GABRG2: variants seen among roughly 807,000 people sequenced by gnomAD.
GABRG2 encodes gamma-aminobutyric acid receptor subunit gamma-2.
GABRG2 carries 16 observed loss-of-function variants against 56.4 expected under a neutral mutation model. The observed-to-expected ratio is 0.28, with a 90% confidence interval of 0.19 to 0.43. GABRG2 has a LOEUF of 0.43. Ranked by LOEUF, GABRG2 falls within the 20% of genes least tolerant of loss-of-function variation. GABRG2 has a pLI of 1.00. For synonymous variants in GABRG2, 208 were observed against 205.5 expected, an observed-to-expected ratio of 1.01 and a Z score of -0.10; for missense variants, 327 against 582.7, an observed-to-expected ratio of 0.56 and a Z score of 4.52.
chr5:162,073,443 G>A (rs562440454), intron 1 of GABRG2, among the ~76,000 whole-genome samples: 10 of 151,828 alleles, frequency 6.6e-5, no homozygotes, highest in African/African-American at 2.4e-4. Flanking sequence ...TTTTAAAGAG[G>A]AGATCTTGCT....
At chr5:162,149,713 A>C (rs1184389837) in intron 8 of GABRG2, 1 of 488,592 alleles carries the variant, frequency 2.0e-6, no homozygotes, top group Admixed American at 2.3e-5. Flanking sequence ...TCCTAGGTTC[A>C]AGCAATTCTC....
At chr5:162,121,774 G>A (rs1317668558) in intron 6 of GABRG2, among the ~76,000 whole-genome samples, 2 of 152,018 alleles carry the variant, frequency 1.3e-5, no homozygotes, top group Admixed American at 1.3e-4. Context: ...TCATGAAGTG[G>A]AAGCATTTGA....
At chr5:162,113,229 C>T (rs1254193012) in intron 6 of GABRG2, among the ~76,000 whole-genome samples, 2 of 152,126 alleles carry the variant, frequency 1.3e-5, no homozygotes, top group African/African-American at 4.8e-5. Flanking sequence ...CATGAGCCAC[C>T]ATGCCCAGCC....
At chr5:162,107,198 C>A (rs1314276799) in intron 6 of GABRG2, among the ~76,000 whole-genome samples, 1 of 152,096 alleles carries the variant, frequency 6.6e-6, no homozygotes, top group East Asian at 1.9e-4. Context: ...TTTTGTGTGG[C>A]TGCATAGTAT....
At chr5:162,136,823 T>C (rs368409460) in intron 6 of GABRG2, among the ~76,000 whole-genome samples, 3 of 152,196 alleles carry the variant, frequency 2.0e-5, no homozygotes, top group South Asian at 2.1e-4. Flanking sequence ...GAAAGTTTAA[T>C]TGTGGTGTGT....
At chr5:162,078,519 C>T (rs572419439) in intron 1 of GABRG2, among the ~76,000 whole-genome samples, 57 of 147,472 alleles carry the variant, frequency 3.9e-4, no homozygotes, top group African/African-American at 1.3e-3. Context: ...CATTCTCCCA[C>T]TTCAGCCTCC....
rs1027595784 is a variant in GABRG2, at chr5:162,155,232, G to A, written c.*1864G>A. Reference sequence around the variant, plus strand: ...AACCTCAAACAAATGTAAATAGAACGAATTATTTTCTTGTTTTGAATTGTC... The same window carrying A: ...AACCTCAAACAAATGTAAATAGAACAAATTATTTTCTTGTTTTGAATTGTC... On this transcript the variant is annotated 3_prime_UTR_variant, in exon 10 of 10. Coordinates refer to ENST00000639213, the MANE Select transcript of GABRG2 (RefSeq NM_198904.4). 3.3e-5 allele frequency: 5 copies of A among 152,270 alleles called. No individual in the cohort carries two copies. The highest frequency in any genetic ancestry group is 1.9e-4 in the East Asian group (1 of 5,166). 9.4% of individuals were successfully genotyped at this position (152,270 alleles called of 1,614,324 possible).
In GABRG2 at chr5:162,142,172, G is replaced by T. The variant is rs1472009201; in HGVS notation, c.778G>T (p.Val260Leu). The change falls in exon 7 of 10, where the codon GTG becomes TTG. Residue 260 changes from valine to leucine, a missense_variant. Around this residue, in one of 4 missense-constraint regions of GABRG2, gnomAD observed 42 missense variants for 156.9 expected, o/e 0.27. Transcript: ENST00000639213. ...TCTTTGGTCTGTTCCAGGAGATTATGTGGTCATGTCTGTCTACTTTGATCT... is the reference window on the plus strand; with the variant it reads ...TCTTTGGTCTGTTCCAGGAGATTATTTGGTCATGTCTGTCTACTTTGATCT... ...EVVKTTSGDY[V>L]VMSVYFDLSR... 1 of 1,614,040 alleles carries T rather than the reference G, an allele frequency of 6.2e-7. No individual in the cohort carries two copies. The highest frequency in any genetic ancestry group is 8.5e-7 in the Non-Finnish European group (1 of 1,179,950).
At chr5:162,069,596 C>A (rs1758505506) in intron 1 of GABRG2, among the ~76,000 whole-genome samples, 1 of 152,120 alleles carries the variant, frequency 6.6e-6, no homozygotes, top group Non-Finnish European at 1.5e-5. Flanking sequence ...AGTTTCTAAA[C>A]AGAGAGAGGG....
At chr5:162,124,277 A>G (rs1342305677) in intron 6 of GABRG2, among the ~76,000 whole-genome samples, 1 of 151,948 alleles carries the variant, frequency 6.6e-6, no homozygotes, top group Non-Finnish European at 1.5e-5. Flanking sequence ...GTTCTAAAAC[A>G]ATAGAAAAAT....
intron 1 of GABRG2, 95 bp downstream of exon 1, chr5:162,068,201 C>T: frequency 2.5e-6 from 2 of 811,804 alleles, no homozygotes; most frequent in Non-Finnish European, 4.3e-6. Flanking sequence ...ATTTAAAACA[C>T]TCTCCTAGGA....
At chr5:162,122,461 C>T (rs973107974) in intron 6 of GABRG2, among the ~76,000 whole-genome samples, 2 of 151,708 alleles carry the variant, frequency 1.3e-5, no homozygotes, top group African/African-American at 4.8e-5. Flanking sequence ...AATTTACTTC[C>T]ACTGAGTATA....
At chr5:162,097,387 G>C in intron 3 of GABRG2, among the ~76,000 whole-genome samples, 1 of 152,102 alleles carries the variant, frequency 6.6e-6, no homozygotes, top group South Asian at 2.1e-4. Flanking sequence ...GTAAAGGATT[G>C]TATCAAGGCT....
chr5:162,078,917 T>G (rs537023639), intron 1 of GABRG2, among the ~76,000 whole-genome samples: 137 of 151,642 alleles, frequency 9.0e-4, no homozygotes, highest in Non-Finnish European at 1.7e-3. Context: ...AACAAAAGTC[T>G]ACAACCTTTC....
intron 4 of GABRG2, chr5:162,100,126 A>G (rs912818636): frequency 1.2e-4 from 19 of 152,198 alleles, no homozygotes; most frequent in Admixed American, 9.8e-4. Context: ...GTGACTTTGG[A>G]CAAGTTCAGG....
intron 4 of GABRG2, chr5:162,099,737 T>C (rs1761274531): frequency 6.6e-6 from 1 of 152,148 alleles, no homozygotes; most frequent in African/African-American, 2.4e-5. Context: ...ATTAGTTAGT[T>C]ATGAAAGCCA....
chr5:162,076,921 G>A (rs1200457354), intron 1 of GABRG2, among the ~76,000 whole-genome samples: 1 of 151,960 alleles, frequency 6.6e-6, no homozygotes, highest in East Asian at 1.9e-4. Context: ...ATATGTTTTT[G>A]CTACCTTCCA....
Position 162,067,857 on chromosome 5 carries a change from G to A in GABRG2, c.-143G>A, listed in dbSNP as rs1421997181. 4.4e-6 allele frequency: 3 copies of A among 681,694 alleles called. No individual in the cohort carries two copies. The Admixed American group carries it at 7.0e-5, about 16-fold the overall frequency. The allele number at this position is 681,694 out of a possible 1,614,324, so 42.2% of individuals were successfully genotyped here. On this transcript the variant is annotated 5_prime_UTR_variant, in exon 1 of 10. Transcript: ENST00000639213. ...TGAATATTAATTCCCTAATCTGGTA[G>A]CAATCCATCTCCCCAGTGAAGGACC...
intron 1 of GABRG2, among the ~76,000 whole-genome samples, chr5:162,073,808 A>G (rs965872701): frequency 2.0e-5 from 3 of 151,986 alleles, no homozygotes; most frequent in Non-Finnish European, 2.9e-5. Context: ...TTATTCTCTC[A>G]GTAGACTCAT....
Sources: gnomAD v4.1 joint callset for allele counts (sites outside exome capture counted in the v4.1 genomes callset) on GRCh38, gnomAD v4.1.1 for gene constraint, gnomAD v4.1.1 regional missense constraint, MANE v1.5 for transcripts, NCBI Gene and HGNC (gene_info 2026-07-23, HGNC 2026-07-21) for gene names.